The following SPG7 variants were observed in gnomAD, a reference collection of about 807,000 sequenced individuals.
The protein encoded by SPG7 is mitochondrial inner membrane m-AAA protease component paraplegin.
In SPG7, 103 loss-of-function variants were observed where a neutral mutation model predicts 81.9. The ratio of observed to expected loss-of-function variants is 1.26; its 90% CI spans 1.07 to 1.48. The LOEUF (loss-of-function observed/expected upper bound fraction) is 1.48, where lower values mean the gene tolerates loss of function less well. Ranked by LOEUF, SPG7 falls within the 40% of genes most tolerant of loss-of-function variation. SPG7 has a pLI of 0.00. For synonymous variants in SPG7, 534 were observed against 444.2 expected (o/e 1.20, Z -2.54); for missense variants, 1,241 against 1,087.3 (o/e 1.14, Z -1.99).
Position 89,557,242 on chromosome 16 carries a change from C to G in SPG7, c.*149C>G. Reference sequence around the variant, plus strand: ...ACTTCTGAGATCTGTTGATTGATGACCCTTTTCATGATTTTAAGTTTCTCT... The same window carrying G: ...ACTTCTGAGATCTGTTGATTGATGAGCCTTTTCATGATTTTAAGTTTCTCT... On this transcript the variant is annotated 3_prime_UTR_variant, in exon 17 of 17. Coordinates refer to ENST00000645818, the MANE Select transcript of SPG7 (RefSeq NM_003119.4). 1.6e-6 allele frequency: 1 copy of G among 620,660 alleles called. No homozygotes were observed. The highest frequency in any genetic ancestry group is 2.7e-5 in the East Asian group (1 of 36,426). 38.4% of individuals were successfully genotyped at this position (620,660 alleles called of 1,614,324 possible).
intron 5 of SPG7, 116 bp from the exon 6 acceptor site, chr16:89,529,361 C>T (rs960815169): frequency 6.8e-6 from 5 of 733,190 alleles, no homozygotes; most frequent in South Asian, 3.0e-5. Flanking sequence ...CGGTCCCAGA[C>T]GTAGGGATTC....
intron 12 of SPG7, chr16:89,549,289 C>T (rs2058605414): frequency 6.6e-6 from 3 of 453,370 alleles, no homozygotes; most frequent in South Asian, 1.6e-5. Context: ...ACAGAATGGA[C>T]ACTTACAGAT....
chr16:89,544,618 T>C, intron 9 of SPG7, 30 bp from the exon 10 acceptor site: 1 of 1,613,268 alleles, frequency 6.2e-7, no homozygotes, highest in South Asian at 1.1e-5. Context: ...ACCCCTACCC[T>C]CAGAGCCACT....
At position 89,548,109 on chromosome 16, in the gene SPG7, C is replaced by T. The variant is rs932736058; in HGVS notation, c.1659C>T (p.Leu553=). ...TCGAGTACGCCGTGGAGCGCGTCCTCGCAGGTACAGGGGGCGCGCCCTGGG... is the reference window on the plus strand; with the variant it reads ...TCGAGTACGCCGTGGAGCGCGTCCTTGCAGGTACAGGGGGCGCGCCCTGGG... ...LNFEYAVERV[L]AGTAKKSKIL... is the part of the protein sequence containing the mutation. The change falls in exon 12 of 17, where the codon CTC becomes CTT. Residue 553 remains leucine (L), a synonymous_variant. Coordinates refer to ENST00000645818, the MANE Select transcript of SPG7 (RefSeq NM_003119.4). 1.8e-5 allele frequency: 29 copies of T among 1,602,850 alleles called. No individual in the cohort carries two copies. The highest frequency in any genetic ancestry group is 2.4e-5 in the Non-Finnish European group (28 of 1,177,906).
chr16:89,526,607 T>C (rs1218353527), intron 5 of SPG7, 139 bp downstream of exon 5: 2 of 877,298 alleles, frequency 2.3e-6, no homozygotes, highest in East Asian at 2.5e-5. Context: ...TAAATAAATA[T>C]AGAAGTGAAT....
intron 3 of SPG7, among the ~76,000 whole-genome samples, chr16:89,513,377 G>A (rs752325005): frequency 2.0e-4 from 30 of 152,232 alleles, no homozygotes; most frequent in Middle Eastern, 3.4e-3. Flanking sequence ...TTAGCCGGGC[G>A]TGATGGCACA....
chr16:89,525,893 A>C (rs2058253680), intron 4 of SPG7, among the ~76,000 whole-genome samples: 1 of 152,172 alleles, frequency 6.6e-6, no homozygotes, highest in Non-Finnish European at 1.5e-5. Flanking sequence ...AGTCTGAGGC[A>C]CACATCAGAC....
At position 89,554,554 on chromosome 16, in the gene SPG7, G is replaced by A. The variant is rs766914135; in HGVS notation, c.2172G>A (p.Lys724=). The A allele has an allele frequency of 6.2e-7, 1 of 1,608,664 alleles. No homozygotes were observed. The highest frequency in any genetic ancestry group is 8.5e-7 in the Non-Finnish European group (1 of 1,179,520). Residue 724 remains lysine, a synonymous_variant, in exon 16 of 17, where the codon AAG becomes AAA. Transcript: ENST00000645818. ...TEKVLQDNLD[K]LQALANALLE... The stretch of plus-strand genomic sequence containing the variant: ...AGGTGCTGCAGGACAACCTGGACAA[G>A]TTGCAGGCGGTGAGGCCCTGGCCAG...
chr16:89,555,711 G>C (rs950803422), intron 16 of SPG7: 1 of 397,344 alleles, frequency 2.5e-6, no homozygotes, highest in African/African-American at 2.1e-5. Context: ...ATTGTCTGAT[G>C]TGTTTCTCAC....
At chr16:89,554,101 G>A (rs2058664498) in intron 15 of SPG7, 141 bp downstream of exon 15, 1 of 766,758 alleles carries the variant, frequency 1.3e-6, no homozygotes, top group Non-Finnish European at 2.1e-6. Flanking sequence ...TCTGGGCTCT[G>A]CTGTAGTTCC....
intron 11 of SPG7, chr16:89,547,527 G>A (rs577940451): frequency 1.9e-5 from 4 of 213,882 alleles, no homozygotes; most frequent in Admixed American, 1.1e-4. Flanking sequence ...TGCTCCTGGC[G>A]CCAGCTCCCC....
intron 8 of SPG7, 80 bp from the exon 9 acceptor site, chr16:89,532,383 A>G: frequency 1.3e-6 from 2 of 1,523,886 alleles, no homozygotes; most frequent in Non-Finnish European, 1.8e-6. Context: ...TTGGTGTAGA[A>G]CTTTGTCTGG....
intron 16 of SPG7, chr16:89,556,000 GGACCCAT>G (rs1394150926): frequency 5.0e-6 from 2 of 398,648 alleles, no homozygotes; most frequent in Non-Finnish European, 8.8e-6. Flanking sequence ...GCCTGCCTGT[GGACCCAT>G]GCTCATCACG....
At chr16:89,508,703 G>A (rs2057966186) in intron 1 of SPG7, 103 bp downstream of exon 1, 1 of 1,214,440 alleles carries the variant, frequency 8.2e-7, no homozygotes, top group Non-Finnish European at 1.1e-6. Flanking sequence ...TGCGGCGGGG[G>A]AGCCTGCGCC....
rs560292003 is a variant in SPG7 at position 89,532,316 on chromosome 16, G to T, written c.1151-147G>T. ...CCCTGAGGGGTGGCCAGGGGCCCCC[G>T]CGAGCAGCTGCCGTGTGTCTGTTTG... On this transcript the variant is annotated intron_variant, in intron 8 of 16. Transcript: ENST00000645818. The T allele has an allele frequency of 5.5e-6, 6 of 1,082,516 alleles. No individual in the cohort carries two copies. In the East Asian group the frequency reaches 1.5e-4, roughly 28 times the overall value. The allele number at this position is 1,082,516 out of a possible 1,614,324, so 67.1% of individuals were successfully genotyped here. A position where few individuals can be genotyped will look rare whatever the true frequency, so the allele number is the denominator to read the frequency against.
At chr16:89,515,427 C>T (rs939568031) in intron 3 of SPG7, among the ~76,000 whole-genome samples, 1 of 151,144 alleles carries the variant, frequency 6.6e-6, no homozygotes, top group Non-Finnish European at 1.5e-5. Flanking sequence ...CACCACCATG[C>T]CCAGCTAATT....
At chr16:89,537,877 C>G (rs1372329632) in intron 9 of SPG7, 13 of 680,958 alleles carry the variant, frequency 1.9e-5, no homozygotes, top group Non-Finnish European at 2.2e-5. Flanking sequence ...GTATCAAGCA[C>G]GCTCTGCCCT....
At position 89,530,511 on chromosome 16, in the gene SPG7, C is replaced by G. The variant is rs911856663; in HGVS notation, c.862-172C>G. On this transcript the variant is annotated intron_variant, in intron 6 of 16. Coordinates refer to ENST00000645818, the MANE Select transcript of SPG7 (RefSeq NM_003119.4). ...TAATTAATGACGAAACATTTCCCTT[C>G]TGTGCTTGAAGACTGACTGTGAGCC... is the stretch of plus-strand genomic sequence containing the variant. The G allele has an allele frequency of 6.6e-6, 5 of 756,526 alleles. No homozygotes were observed. In the Admixed American group the frequency reaches 9.8e-5, roughly 15 times the overall value. 46.9% of individuals were successfully genotyped at this position (756,526 alleles called of 1,614,324 possible). A position where few individuals can be genotyped will look rare whatever the true frequency, so the allele number is the denominator to read the frequency against.
intron 3 of SPG7, chr16:89,520,021 C>G (rs1443841903): frequency 6.6e-6 from 1 of 152,254 alleles, no homozygotes; most frequent in African/African-American, 2.4e-5. Flanking sequence ...TGCAGGCTGC[C>G]GTCCACGAGG....
Sources: allele counts gnomAD v4.1 joint callset (sites outside exome capture counted in the v4.1 genomes callset), GRCh38; gene constraint gnomAD v4.1.1; transcripts MANE v1.5; gene names NCBI Gene and HGNC (gene_info 2026-07-23, HGNC 2026-07-21).